The following SUCLG2 variants were observed in gnomAD, a reference collection of about 807,000 sequenced individuals.
SUCLG2 encodes succinate-CoA ligase GDP-forming subunit beta, also known as succinate--CoA ligase [GDP-forming] subunit beta, mitochondrial.
SUCLG2 carries 42 observed loss-of-function variants against 47.9 expected under a neutral mutation model. The ratio of observed to expected loss-of-function variants is 0.88; its 90% CI spans 0.69 to 1.14. The LOEUF is 1.14. Among genes scored for constraint, SUCLG2 ranks in the 50% most tolerant of loss-of-function variants. The probability of loss-of-function intolerance (pLI) is 0.00; values close to 1 mark genes in which losing one functional copy is unlikely to be tolerated. For missense variants in SUCLG2, 571 were observed against 525.9 expected (o/e 1.09, Z -0.84); for synonymous variants, 195 against 197.3 (o/e 0.99, Z 0.10).
At chr3:67,626,024 A>ATT (rs11329006) in intron 1 of SUCLG2, among the ~76,000 whole-genome samples, 16 of 138,584 alleles carry the variant, frequency 1.2e-4, no homozygotes, top group African/African-American at 3.9e-4. Flanking sequence ...ATATATTTAC[A>ATT]TTTTTTTTTT....
intron 9 of SUCLG2, among the ~76,000 whole-genome samples, chr3:67,475,688 C>T (rs371702012): frequency 4.0e-5 from 6 of 151,868 alleles, no homozygotes; most frequent in Admixed American, 1.3e-4. Context: ...ACCTCGCTTC[C>T]GCTGCCCCAT....
chr3:67,636,793 G>C (rs1701018481), intron 1 of SUCLG2, among the ~76,000 whole-genome samples: 1 of 150,922 alleles, frequency 6.6e-6, no homozygotes, highest in African/African-American at 2.5e-5. Flanking sequence ...ACCATGCCTG[G>C]CTGGCAGTAT....
chr3:67,493,315 T>C (rs1243666935), intron 9 of SUCLG2, among the ~76,000 whole-genome samples: 1 of 152,222 alleles, frequency 6.6e-6, no homozygotes, highest in Non-Finnish European at 1.5e-5. Context: ...AAAAGTACTG[T>C]GAGATGAGCT....
chr3:67,382,564 A>T (rs1340183469), intron 10 of SUCLG2, among the ~76,000 whole-genome samples: 1 of 152,194 alleles, frequency 6.6e-6, no homozygotes, highest in Non-Finnish European at 1.5e-5. Context: ...TATCACCTGC[A>T]AGTTAAGAAT....
At chr3:67,617,403 G>A (rs968625432) in intron 1 of SUCLG2, among the ~76,000 whole-genome samples, 3 of 152,138 alleles carry the variant, frequency 2.0e-5, no homozygotes, top group Admixed American at 6.5e-5. Flanking sequence ...CTAAGCCTAT[G>A]GAAAGGAAAA....
chr3:67,550,187 T>TTGGTCTC (rs1469665418), intron 2 of SUCLG2, among the ~76,000 whole-genome samples: 3 of 152,224 alleles, frequency 2.0e-5, no homozygotes, highest in Non-Finnish European at 4.4e-5. Context: ...GGTAACATGA[T>TTGGTCTC]TGGTCTCTGT....
chr3:67,588,575 T>A (rs1708081982), intron 2 of SUCLG2, among the ~76,000 whole-genome samples: 3 of 152,214 alleles, frequency 2.0e-5, no homozygotes, highest in Admixed American at 6.5e-5. Flanking sequence ...ATAAATTGCA[T>A]GAAGATGAAG....
intron 1 of SUCLG2, among the ~76,000 whole-genome samples, chr3:67,612,014 G>A (rs1575815712): frequency 6.6e-6 from 1 of 152,130 alleles, no homozygotes; most frequent in Admixed American, 6.5e-5. Flanking sequence ...TGGAAAACTA[G>A]GGCCCTGACT....
chr3:67,484,575 T>C (rs1307246959), intron 9 of SUCLG2, among the ~76,000 whole-genome samples: 7 of 152,108 alleles, frequency 4.6e-5, no homozygotes, highest in Non-Finnish European at 1.0e-4. Flanking sequence ...CTCTATACCT[T>C]GGGTATTTTT....
intron 2 of SUCLG2, among the ~76,000 whole-genome samples, chr3:67,591,895 T>C (rs1708175949): frequency 6.6e-6 from 1 of 152,212 alleles, no homozygotes; most frequent in Admixed American, 6.5e-5. Context: ...AATTAAATAG[T>C]TCTACCTTGT....
chr3:67,418,818 G>T lies in SUCLG2; in HGVS notation c.1063-17967C>A, dbSNP rs540588778. 2.6e-5 allele frequency among the ~76,000 whole-genome samples: 4 copies of T among 152,182 alleles called. No individual in the cohort carries two copies. In the East Asian group the frequency reaches 7.7e-4, roughly 29 times the overall value. Reference sequence around the variant, plus strand: ...TCCACTACCTTTAACTGTTCTTCATGGGATAATCACAAACGGCCTGGACCT... The same window carrying T: ...TCCACTACCTTTAACTGTTCTTCATTGGATAATCACAAACGGCCTGGACCT... On this transcript the variant is annotated intron_variant, in intron 9 of 10. Coordinates refer to ENST00000307227, the MANE Select transcript of SUCLG2 (RefSeq NM_003848.4).
chr3:67,638,846 T>G (rs977784706), intron 1 of SUCLG2, among the ~76,000 whole-genome samples: 1 of 152,164 alleles, frequency 6.6e-6, no homozygotes, highest in Non-Finnish European at 1.5e-5. Flanking sequence ...AATGGAGATT[T>G]CCAATTTTTG....
rs147219384 is a variant in SUCLG2 at position 67,580,099 on chromosome 3, T to C, written c.226+29356A>G. On this transcript the variant is annotated intron_variant, in intron 2 of 10. Coordinates refer to ENST00000307227, the MANE Select transcript of SUCLG2 (RefSeq NM_003848.4). ...GGTTTTATCCATCTTTATTTCTTAA[T>C]TATGTTACTACTATACAACTATATC... 9.1e-4 allele frequency among the ~76,000 whole-genome samples: 138 copies of C among 152,356 alleles called. 2 individuals carry two copies. The East Asian group carries it at 0.025, about 28-fold the overall frequency.
intron 2 of SUCLG2, among the ~76,000 whole-genome samples, chr3:67,586,829 GA>G (rs1303410342): frequency 6.6e-6 from 1 of 152,142 alleles, no homozygotes; most frequent in Non-Finnish European, 1.5e-5. Flanking sequence ...TAATTGACAT[GA>G]AAGGGATCTC....
chr3:67,501,602 G>A (rs1466817859), intron 7 of SUCLG2, among the ~76,000 whole-genome samples: 1 of 152,114 alleles, frequency 6.6e-6, no homozygotes, highest in African/African-American at 2.4e-5. Context: ...AAGTCTTGGT[G>A]GAGGCTTCTG....
intron 2 of SUCLG2, among the ~76,000 whole-genome samples, chr3:67,543,906 C>T (rs1194378239): frequency 6.6e-6 from 1 of 151,968 alleles, no homozygotes. Flanking sequence ...ACCATTTTAC[C>T]ACATGGGGTC....
rs145186430 is a variant in SUCLG2 at position 67,568,155 on chromosome 3, G to A, written c.227-38969C>T. ...GGTTACAATTTAAGAAACATTCATC[G>A]TTGGGCTTAAATGTACTGAAGAAAA... is the stretch of plus-strand genomic sequence containing the variant. On this transcript the variant is annotated intron_variant, in intron 2 of 10. Coordinates refer to ENST00000307227, the MANE Select transcript of SUCLG2 (RefSeq NM_003848.4). Among the ~76,000 whole-genome samples the A allele has an allele frequency of 1.7e-3, 258 of 152,218 alleles. 3 individuals are homozygous for A. The highest frequency in any genetic ancestry group is 6.0e-3 in the African/African-American group (251 of 41,546).
intron 10 of SUCLG2, among the ~76,000 whole-genome samples, chr3:67,386,473 TAA>T (rs1260713071): frequency 2.0e-5 from 3 of 151,174 alleles, no homozygotes; most frequent in Admixed American, 6.5e-5. Context: ...ACGCCGCTAA[TAA>T]AGACATATCC....
chr3:67,441,820 C>T (rs942524018), intron 9 of SUCLG2, among the ~76,000 whole-genome samples: 1 of 152,178 alleles, frequency 6.6e-6, no homozygotes, highest in Non-Finnish European at 1.5e-5. Flanking sequence ...TTCCCCACTG[C>T]TGTTAATGAA....
Sources: allele counts gnomAD v4.1 joint callset (sites outside exome capture counted in the v4.1 genomes callset), GRCh38; gene constraint gnomAD v4.1.1; transcripts MANE v1.5; gene names NCBI Gene and HGNC (gene_info 2026-07-23, HGNC 2026-07-21).